Variants in AAK1 observed in about 807,000 individuals in gnomAD.
The protein encoded by AAK1 is AP2-associated protein kinase 1.
In AAK1, 37 loss-of-function variants were observed where a neutral mutation model predicts 116.0. That is an observed-to-expected ratio of 0.32 (90% CI 0.25 to 0.42). The LOEUF is 0.42. Among genes scored for constraint, AAK1 ranks in the 10% least tolerant of loss-of-function variants. AAK1 has a pLI of 1.00. For missense variants in AAK1, 919 were observed against 1,170.6 expected (o/e 0.79, Z 3.14); for synonymous variants, 458 against 439.9 (o/e 1.04, Z -0.51).
At position 69,462,655 on chromosome 2, in the gene AAK1, G is replaced by A. The variant is rs1348796917; in HGVS notation, c.*13214C>T. On this transcript the variant is annotated 3_prime_UTR_variant, in exon 22 of 22. Coordinates refer to ENST00000409085, the MANE Select transcript of AAK1 (RefSeq NM_014911.5). ...CACACCACTGCACTCCCGCCTGAGC[G>A]ACAGAGCAAGACGCCGTCTTGAAAA... 6.0e-5 allele frequency: 9 copies of A among 150,372 alleles called. No individual in the cohort carries two copies. Among genetic ancestry groups the A allele is most frequent in the South Asian group, 2.1e-4 (1 of 4,752 alleles). 9.3% of individuals were successfully genotyped at this position (150,372 alleles called of 1,614,324 possible).
intron 6 of AAK1, 116 bp downstream of exon 6, chr2:69,531,925 G>T: frequency 1.4e-6 from 2 of 1,469,644 alleles, no homozygotes; most frequent in Non-Finnish European, 9.3e-7. Flanking sequence ...GCTCTGAGAT[G>T]AAGGACAACT....
At position 69,577,581 on chromosome 2, in the gene AAK1, T is replaced by G. The variant is rs1672365449; in HGVS notation, c.164-20603A>C. ...AGCGCCAAGAACTACTGGTACACAG[T>G]GGAGATCATTTCCCAGACCAGGCTG... is the stretch of plus-strand genomic sequence containing the variant. On this transcript the variant is annotated intron_variant, in intron 2 of 21. Transcript: ENST00000409085. 2.0e-5 allele frequency among the ~76,000 whole-genome samples: 3 copies of G among 152,266 alleles called. No individual in the cohort carries two copies. In the South Asian group the frequency reaches 6.2e-4, roughly 32 times the overall value.
Position 69,470,830 on chromosome 2 carries a change from GT to G in AAK1, c.*5038del, listed in dbSNP as rs767178878. ...CAGGTACTTATTGTCACTCAATACT[GT>G]GATTAAATCCTTTCTGCAAAAAAGT... On this transcript the variant is annotated 3_prime_UTR_variant, in exon 22 of 22. Transcript: ENST00000409085. 143 of 985,700 alleles carry G rather than the reference GT, an allele frequency of 1.5e-4. No homozygotes were observed. Among genetic ancestry groups the G allele is most frequent in the Non-Finnish European group, 1.7e-4 (139 of 829,932 alleles). 61.1% of individuals were successfully genotyped at this position (985,700 alleles called of 1,614,324 possible).
In AAK1 at chr2:69,473,409, G is replaced by T. The variant is rs145963198; in HGVS notation, c.*2460C>A. ...GATGCTCTAAACCAAGGAAGGCTCC[G>T]TTTACCAAAGCACTCATATGTGTTC... On this transcript the variant is annotated 3_prime_UTR_variant, in exon 22 of 22. Transcript: ENST00000409085. The T allele has an allele frequency of 2.0e-6, 2 of 985,370 alleles. No individual in the cohort carries two copies. Among genetic ancestry groups the T allele is most frequent in the Non-Finnish European group, 2.4e-6 (2 of 829,938 alleles). The allele number at this position is 985,370 out of a possible 1,614,324, so 61.0% of individuals were successfully genotyped here. A position where few individuals can be genotyped will look rare whatever the true frequency, so the allele number is the denominator to read the frequency against.
intron 2 of AAK1, among the ~76,000 whole-genome samples, chr2:69,608,584 T>C (rs1261461722): frequency 6.6e-6 from 1 of 152,140 alleles, no homozygotes; most frequent in Non-Finnish European, 1.5e-5. Context: ...TGAATACTGG[T>C]TTAAATAGTA....
rs1284858226 is a variant in AAK1 at position 69,466,183 on chromosome 2, T to C, written c.*9686A>G. Reference sequence around the variant, plus strand: ...GTGAAGGCTTGAAACTGGTTCTTTCTTCCACCTTGCACTGTCTTTGCTTGC... The same window carrying C: ...GTGAAGGCTTGAAACTGGTTCTTTCCTCCACCTTGCACTGTCTTTGCTTGC... On this transcript the variant is annotated 3_prime_UTR_variant, in exon 22 of 22. Transcript: ENST00000409085. 1.6e-6 allele frequency: 2 copies of C among 1,289,754 alleles called. No individual in the cohort carries two copies. The highest frequency in any genetic ancestry group is 3.0e-5 in the African/African-American group (2 of 65,838). The allele number at this position is 1,289,754 out of a possible 1,614,324, so 79.9% of individuals were successfully genotyped here.
chr2:69,461,018 TAG>T lies in AAK1; in HGVS notation c.*14849_*14850del, dbSNP rs1236106990. 1.3e-5 allele frequency: 2 copies of T among 152,126 alleles called. No individual in the cohort carries two copies. The highest frequency in any genetic ancestry group is 4.8e-5 in the African/African-American group (2 of 41,418). 9.4% of individuals were successfully genotyped at this position (152,126 alleles called of 1,614,324 possible). A position where few individuals can be genotyped will look rare whatever the true frequency, so the allele number is the denominator to read the frequency against. On this transcript the variant is annotated 3_prime_UTR_variant, in exon 22 of 22. Transcript: ENST00000409085. ...AACACAACAAACGAAAACAAGAAAG[TAG>T]AGTTGTTTGTTGATTATATACAGTC...
chr2:69,527,336 A>G lies in AAK1; in HGVS notation c.872-17T>C, dbSNP rs1262374520. 1 of 1,468,658 alleles carries G rather than the reference A, an allele frequency of 6.8e-7. No individual in the cohort carries two copies. 91.0% of individuals were successfully genotyped at this position (1,468,658 alleles called of 1,614,324 possible). ...ACATATACCCTAAGGCAAACATGTG[A>G]ATTTATTTAATAATATTCCAACAGT... On this transcript the variant is annotated splice_polypyrimidine_tract_variant and intron_variant, in intron 8 of 21. Coordinates refer to ENST00000409085, the MANE Select transcript of AAK1 (RefSeq NM_014911.5).
chr2:69,460,727 G>C lies in AAK1; in HGVS notation c.*15142C>G, dbSNP rs1260082081. 6.6e-6 allele frequency: 1 copy of C among 152,154 alleles called. No homozygotes were observed. Among genetic ancestry groups the C allele is most frequent in the African/African-American group, 2.4e-5 (1 of 41,414 alleles). 9.4% of individuals were successfully genotyped at this position (152,154 alleles called of 1,614,324 possible). On this transcript the variant is annotated 3_prime_UTR_variant, in exon 22 of 22. Coordinates refer to ENST00000409085, the MANE Select transcript of AAK1 (RefSeq NM_014911.5). ...TCAGCAGCTGCTTCAGCATCAAATT[G>C]TGTTCATCCCATTTTCTAATCTAAC...
At position 69,471,011 on chromosome 2, in the gene AAK1, A is replaced by G; in HGVS notation, c.*4858T>C. 1 of 985,852 alleles carries G rather than the reference A, an allele frequency of 1.0e-6. No homozygotes were observed. Among genetic ancestry groups the G allele is most frequent in the Non-Finnish European group, 1.2e-6 (1 of 829,906 alleles). The allele number at this position is 985,852 out of a possible 1,614,324, so 61.1% of individuals were successfully genotyped here. On this transcript the variant is annotated 3_prime_UTR_variant, in exon 22 of 22. Transcript: ENST00000409085. Reference sequence around the variant, plus strand: ...TTTTTTATACAATACTTGTGCAGCAATGTTCAAATTTCACGTTTTTACTGC... The same window carrying G: ...TTTTTTATACAATACTTGTGCAGCAGTGTTCAAATTTCACGTTTTTACTGC...
intron 2 of AAK1, among the ~76,000 whole-genome samples, chr2:69,591,782 G>C (rs1673046309): frequency 6.6e-6 from 1 of 151,912 alleles, no homozygotes; most frequent in Non-Finnish European, 1.5e-5. Flanking sequence ...TTTTGGTCAG[G>C]CTGGTCTCAA....
chr2:69,559,262 T>TCACACACACACACA (rs375580392), intron 2 of AAK1, among the ~76,000 whole-genome samples: 1 of 127,178 alleles, frequency 7.9e-6, no homozygotes, highest in Non-Finnish European at 1.7e-5. Context: ...TCTCTCTCTC[T>TCACACACACACACA]CACACACACA....
chr2:69,503,930 T>TGGGAG (rs1412025667), intron 16 of AAK1, among the ~76,000 whole-genome samples: 1 of 149,908 alleles, frequency 6.7e-6, no homozygotes, highest in African/African-American at 2.5e-5. Context: ...ACCTGGAAGG[T>TGGGAG]GGAGGTTGCA....
At position 69,475,171 on chromosome 2, in the gene AAK1, G is replaced by A; in HGVS notation, c.*698C>T. 1 of 985,882 alleles carries A rather than the reference G, an allele frequency of 1.0e-6. No individual in the cohort carries two copies. The highest frequency in any genetic ancestry group is 1.2e-6 in the Non-Finnish European group (1 of 829,952). 61.1% of individuals were successfully genotyped at this position (985,882 alleles called of 1,614,324 possible). On this transcript the variant is annotated 3_prime_UTR_variant, in exon 22 of 22. Transcript: ENST00000409085. Reference sequence around the variant, plus strand: ...ACGTCTCCAGATCTGAGAAATCACGGTTCAATGGAAGCCAGAAAGCTGGAC... The same window carrying A: ...ACGTCTCCAGATCTGAGAAATCACGATTCAATGGAAGCCAGAAAGCTGGAC...
intron 2 of AAK1, among the ~76,000 whole-genome samples, chr2:69,630,705 A>T (rs188461569): frequency 6.6e-6 from 1 of 152,296 alleles, no homozygotes; most frequent in East Asian, 1.9e-4. Context: ...ATGCTTTTAA[A>T]CCATCACACA....
chr2:69,590,238 A>G (rs1452778146), intron 2 of AAK1, among the ~76,000 whole-genome samples: 2 of 152,218 alleles, frequency 1.3e-5, no homozygotes, highest in Admixed American at 1.3e-4. Flanking sequence ...CATATCAGAA[A>G]TGTGAAAAAG....
chr2:69,521,472 C>T (rs1407681027), intron 10 of AAK1, among the ~76,000 whole-genome samples: 1 of 152,140 alleles, frequency 6.6e-6, no homozygotes, highest in African/African-American at 2.4e-5. Context: ...GAAAAGCATG[C>T]AGATGAGTGA....
At chr2:69,546,109 T>C (rs551158968) in intron 3 of AAK1, among the ~76,000 whole-genome samples, 81 of 151,262 alleles carry the variant, frequency 5.4e-4, no homozygotes, top group Non-Finnish European at 9.4e-4. Context: ...TTTTTTTTTT[T>C]CCCCCTGGCA....
At chr2:69,638,976 G>A (rs1033146616) in intron 2 of AAK1, among the ~76,000 whole-genome samples, 2 of 152,176 alleles carry the variant, frequency 1.3e-5, no homozygotes, top group African/African-American at 4.8e-5. Context: ...GTATCATATT[G>A]ATACCACCAA....
Sources: allele counts gnomAD v4.1 joint callset (sites outside exome capture counted in the v4.1 genomes callset), GRCh38; gene constraint gnomAD v4.1.1; transcripts MANE v1.5; gene names NCBI Gene and HGNC (gene_info 2026-07-23, HGNC 2026-07-21).